The following ITGAE variants were observed in gnomAD, a reference collection of about 807,000 sequenced individuals.
The protein encoded by ITGAE is integrin alpha-E.
In ITGAE, 99 loss-of-function variants were observed where a neutral mutation model predicts 136.5. That is an observed-to-expected ratio of 0.73 (90% CI 0.62 to 0.86). The LOEUF (loss-of-function observed/expected upper bound fraction) is 0.86, where lower values mean the gene tolerates loss of function less well. Among genes scored for constraint, ITGAE ranks in the 40% least tolerant of loss-of-function variants. The pLI is 0.00. For missense variants in ITGAE, 1,447 were observed against 1,515.3 expected (o/e 0.95, Z 0.75); for synonymous variants, 613 against 591.8 (o/e 1.04, Z -0.52).
At chr17:3,757,160 G>C in intron 9 of ITGAE, 26 bp from the exon 10 acceptor site, 1 of 1,610,908 alleles carries the variant, frequency 6.2e-7, no homozygotes. Context: ...GGGTCAGCGA[G>C]TCAGCGCTGC....
At chr17:3,734,686 T>C (rs2051422151) in intron 21 of ITGAE, 131 bp downstream of exon 21, 3 of 1,115,178 alleles carry the variant, frequency 2.7e-6, no homozygotes, top group Admixed American at 2.0e-5. Flanking sequence ...ATCTAGTTAT[T>C]AACCATCTGT....
chr17:3,731,285 A>C, intron 22 of ITGAE, 102 bp from the exon 23 acceptor site: 1 of 759,892 alleles, frequency 1.3e-6, no homozygotes, highest in Admixed American at 2.1e-5. Flanking sequence ...GATTCCTCAG[A>C]TTTTCACATT....
At chr17:3,731,233 C>G (rs760929630) in intron 22 of ITGAE, 50 bp from the exon 23 acceptor site, 1 of 1,378,286 alleles carries the variant, frequency 7.3e-7, no homozygotes, top group Non-Finnish European at 1.0e-6. Context: ...ATGCCACTCA[C>G]AATTCAGACC....
rs375479348 is a variant in ITGAE at position 3,786,876 on chromosome 17, G to A, written c.35-9216C>T. On this transcript the variant is annotated intron_variant, in intron 1 of 30. Transcript: ENST00000263087. ...CTGCACTCCAGCCTGGTGACAGAGC[G>A]AGACTCCATCTCAAAAAAAAAAAAA... Among the ~76,000 whole-genome samples the A allele has an allele frequency of 1.5e-4, 18 of 123,470 alleles. 1 individual carries two copies. The highest frequency in any genetic ancestry group is 4.7e-4 in the African/African-American group (15 of 31,890). The allele number at this position is 123,470 out of a possible 152,430, so 81.0% of individuals were successfully genotyped here. A position where few individuals can be genotyped will look rare whatever the true frequency, so the allele number is the denominator to read the frequency against.
At chr17:3,764,731 TG>T (rs2052253607) in intron 2 of ITGAE, among the ~76,000 whole-genome samples, 1 of 152,002 alleles carries the variant, frequency 6.6e-6, no homozygotes, top group African/African-American at 2.4e-5. Context: ...ACTGGAGGTT[TG>T]GGGGTGGCTG....
Position 3,725,245 on chromosome 17 carries a change from A to G in ITGAE, c.3085-1501T>C, listed in dbSNP as rs1428087786. On this transcript the variant is annotated intron_variant, in intron 26 of 30. Transcript: ENST00000263087. ...ACAAGTGGTGCTCCGTCCTCTTGGC[A>G]CTCCTCCTCTATGTATTTGCTAAGC... 4.3e-6 allele frequency: 7 copies of G among 1,613,860 alleles called. No individual in the cohort carries two copies. The South Asian group carries it at 7.7e-5, about 18-fold the overall frequency.
intron 3 of ITGAE, 57 bp downstream of exon 3, chr17:3,763,812 G>A: frequency 7.3e-7 from 1 of 1,367,908 alleles, no homozygotes; most frequent in Non-Finnish European, 1.0e-6. Context: ...TAGATGAGGG[G>A]GATTTTGCTA....
intron 20 of ITGAE, among the ~76,000 whole-genome samples, chr17:3,738,415 T>C (rs1164409533): frequency 1.3e-5 from 2 of 152,130 alleles, no homozygotes; most frequent in Non-Finnish European, 2.9e-5. Flanking sequence ...ATGATCCGCC[T>C]ACCTCTGCCT....
At chr17:3,732,082 A>AAAC (rs749152207) in intron 22 of ITGAE, among the ~76,000 whole-genome samples, 1 of 146,506 alleles carries the variant, frequency 6.8e-6, no homozygotes, top group Non-Finnish European at 1.6e-5. Flanking sequence ...TCTCAAAAAC[A>AAAC]AACAAACAAA....
intron 26 of ITGAE, chr17:3,725,843 C>T (rs564044769): frequency 1.2e-6 from 2 of 1,611,906 alleles, no homozygotes; most frequent in Admixed American, 1.7e-5. Context: ...CAGCCTCCCT[C>T]GCAGTGGCAG....
intron 26 of ITGAE, chr17:3,724,895 G>C (rs529373399): frequency 1.2e-6 from 2 of 1,613,528 alleles, no homozygotes; most frequent in East Asian, 4.5e-5. Context: ...GTGTTCCCAA[G>C]GGCCGCATTG....
At chr17:3,797,365 C>T (rs915967148) in intron 1 of ITGAE, among the ~76,000 whole-genome samples, 12 of 151,358 alleles carry the variant, frequency 7.9e-5, no homozygotes, top group East Asian at 7.8e-4. Context: ...CGGAGTTTCA[C>T]TGTGTTAGCC....
At chr17:3,747,518 G>C (rs572393379) in intron 17 of ITGAE, among the ~76,000 whole-genome samples, 13 of 151,816 alleles carry the variant, frequency 8.6e-5, no homozygotes, top group East Asian at 3.9e-4. Flanking sequence ...ACCATGTTAG[G>C]CAGGATGGTC....
At chr17:3,762,742 T>C (rs555180416) in intron 3 of ITGAE, among the ~76,000 whole-genome samples, 2 of 151,364 alleles carry the variant, frequency 1.3e-5, no homozygotes, top group Admixed American at 6.6e-5. Context: ...GGACTACGTG[T>C]GCCCGTCACC....
chr17:3,760,075 G>A, intron 7 of ITGAE, 97 bp downstream of exon 7: 1 of 748,804 alleles, frequency 1.3e-6, no homozygotes. Context: ...CCAAGTATGT[G>A]ACCCATAGAA....
chr17:3,777,560 G>A lies in ITGAE; in HGVS notation c.135C>T (p.Asp45=), dbSNP rs1244693384. 6 of 1,613,786 alleles carry A rather than the reference G, an allele frequency of 3.7e-6. No individual in the cohort carries two copies. The highest frequency in any genetic ancestry group is 2.2e-5 in the East Asian group (1 of 44,858). ...PFVLSSLLHQ[D]PSTNQTWLLV... is the part of the protein sequence containing the mutation. The stretch of plus-strand genomic sequence containing the variant: ...CTCACCAGGTCTGGTTGGTGCTGGG[G>A]TCTTGGTGCAGAAGGGAGCTGAGCA... The change falls in exon 2 of 31, where the codon GAC becomes GAT. Residue 45 remains aspartate, a synonymous_variant. Transcript: ENST00000263087.
intron 1 of ITGAE, among the ~76,000 whole-genome samples, chr17:3,796,961 G>A (rs1056366767): frequency 2.0e-5 from 3 of 151,848 alleles, no homozygotes; most frequent in Non-Finnish European, 2.9e-5. Context: ...TGGGAGGACT[G>A]TGCCTCAGAG....
intron 18 of ITGAE, among the ~76,000 whole-genome samples, chr17:3,745,533 G>C (rs1033505266): frequency 3.9e-5 from 6 of 152,116 alleles, no homozygotes; most frequent in African/African-American, 1.4e-4. Flanking sequence ...GTGGAGACAG[G>C]GTTTCACCGT....
intron 1 of ITGAE, among the ~76,000 whole-genome samples, chr17:3,786,494 G>T (rs2052801098): frequency 6.6e-6 from 1 of 152,074 alleles, no homozygotes; most frequent in African/African-American, 2.4e-5. Context: ...TTAAAATCCA[G>T]CAAGCACAAT....
Sources: gnomAD v4.1 joint callset for allele counts (sites outside exome capture counted in the v4.1 genomes callset) on GRCh38, gnomAD v4.1.1 for gene constraint, MANE v1.5 for transcripts, NCBI Gene and HGNC (gene_info 2026-07-23, HGNC 2026-07-21) for gene names.